TAFA2: variants seen among roughly 807,000 people sequenced by gnomAD.
TAFA2 encodes the protein TAFA chemokine like family member 2.
A neutral mutation model predicts 18.8 loss-of-function variants in TAFA2; 7 were observed. That is an observed-to-expected ratio of 0.37 (90% confidence interval 0.21 to 0.70). TAFA2 has a LOEUF of 0.70. Among genes scored for constraint, TAFA2 ranks in the 30% least tolerant of loss-of-function variants. The pLI is 0.53. For synonymous variants in TAFA2, 60 were observed against 54.2 expected (o/e 1.11, Z -0.47); for missense variants, 122 against 158.1 (o/e 0.77, Z 1.23).
chr12:61,770,015 T>C (rs1464977699), intron 2 of TAFA2, among the ~76,000 whole-genome samples: 2 of 151,286 alleles, frequency 1.3e-5, no homozygotes, highest in Non-Finnish European at 2.9e-5. Flanking sequence ...AACGAGAAAA[T>C]CTCTAAAGAA....
At chr12:62,011,386 A>C (rs1174774927) in intron 1 of TAFA2, among the ~76,000 whole-genome samples, 2 of 152,186 alleles carry the variant, frequency 1.3e-5, no homozygotes, top group East Asian at 3.9e-4. Context: ...TAGGAGACAC[A>C]ATTTTGTTCT....
chr12:61,938,748 C>A (rs1000627332), intron 1 of TAFA2, among the ~76,000 whole-genome samples: 5 of 152,058 alleles, frequency 3.3e-5, no homozygotes, highest in African/African-American at 9.7e-5. Flanking sequence ...GAAATAATGT[C>A]TTTTGCAGCA....
intron 1 of TAFA2, among the ~76,000 whole-genome samples, chr12:61,954,478 T>C (rs1257898355): frequency 1.3e-5 from 2 of 152,158 alleles, no homozygotes; most frequent in African/African-American, 2.4e-5. Flanking sequence ...ATCTCATTCA[T>C]AGTATGGATT....
At chr12:61,712,101 A>G (rs1331858747) in intron 4 of TAFA2, among the ~76,000 whole-genome samples, 1 of 151,950 alleles carries the variant, frequency 6.6e-6, no homozygotes, top group Admixed American at 6.6e-5. Flanking sequence ...AGAGAGAGAG[A>G]GGAAATTGAG....
rs148528547 is a variant in TAFA2, at chr12:62,114,157, G to A, written c.-2+77102C>T. Among the ~76,000 whole-genome samples the A allele has an allele frequency of 1.9e-3, 294 of 152,298 alleles. 1 individual carries two copies. The highest frequency in any genetic ancestry group is 6.8e-3 in the African/African-American group (283 of 41,564). ...GGGAATCTCCTGGTCTGCAAGTTGT[G>A]AAGACCATGGGAAAAGCGTAGTATC... On this transcript the variant is annotated intron_variant, in intron 1 of 4. Coordinates refer to ENST00000416284, the MANE Select transcript of TAFA2 (RefSeq NM_178539.5).
intron 2 of TAFA2, among the ~76,000 whole-genome samples, chr12:61,820,247 G>A (rs757837167): frequency 3.0e-4 from 45 of 151,570 alleles, no homozygotes; most frequent in Non-Finnish European, 6.2e-4. Context: ...TGGTGGTGTG[G>A]GGATGGAAGG....
At chr12:61,908,069 A>G (rs1033291979) in intron 1 of TAFA2, among the ~76,000 whole-genome samples, 1 of 152,070 alleles carries the variant, frequency 6.6e-6, no homozygotes, top group African/African-American at 2.4e-5. Flanking sequence ...GAGACTTTGG[A>G]CTGTGGACTT....
At chr12:61,940,632 G>C (rs551359791) in intron 1 of TAFA2, among the ~76,000 whole-genome samples, 83 of 152,296 alleles carry the variant, frequency 5.4e-4, no homozygotes, top group African/African-American at 1.9e-3. Context: ...TGCTTGTCCA[G>C]CTGTGAACCG....
intron 1 of TAFA2, among the ~76,000 whole-genome samples, chr12:62,117,130 A>G (rs1396051242): frequency 6.6e-6 from 1 of 152,164 alleles, no homozygotes; most frequent in Non-Finnish European, 1.5e-5. Flanking sequence ...CTGTTCTTTA[A>G]TATCACTCAG....
chr12:61,711,371 T>C (rs752768812), intron 4 of TAFA2, among the ~76,000 whole-genome samples: 1 of 152,062 alleles, frequency 6.6e-6, no homozygotes, highest in East Asian at 1.9e-4. Flanking sequence ...ATTTCTGCTG[T>C]GTTAATAAAT....
At chr12:61,753,524 T>C in intron 4 of TAFA2, 98 bp downstream of exon 4, 1 of 1,132,798 alleles carries the variant, frequency 8.8e-7, no homozygotes, top group Non-Finnish European at 1.3e-6. Context: ...AACTATACTC[T>C]TCCATTCCAC....
At chr12:62,159,686 C>T (rs903146870) in intron 1 of TAFA2, among the ~76,000 whole-genome samples, 8 of 151,596 alleles carry the variant, frequency 5.3e-5, no homozygotes, top group African/African-American at 1.7e-4. Flanking sequence ...AAGAATGACA[C>T]AGTGGACTTT....
chr12:62,202,645 TTTAGTG>T (rs1192778656), intron 1 of TAFA2, among the ~76,000 whole-genome samples: 1 of 151,886 alleles, frequency 6.6e-6, no homozygotes, highest in Non-Finnish European at 1.5e-5. Context: ...TGATGTGGCA[TTTAGTG>T]TTATAAATTT....
At chr12:62,210,185 CTAAATAAATAAA>C (rs56194828) in intron 1 of TAFA2, among the ~76,000 whole-genome samples, 11 of 144,432 alleles carry the variant, frequency 7.6e-5, no homozygotes, top group East Asian at 4.1e-4. Context: ...GACTCTGTCT[CTAAATAAATAAA>C]TAAATAAATA....
At chr12:62,189,004 C>T (rs1469064219) in intron 1 of TAFA2, among the ~76,000 whole-genome samples, 11 of 152,252 alleles carry the variant, frequency 7.2e-5, no homozygotes. Flanking sequence ...TGCAATATCA[C>T]ATATACTTAG....
intron 4 of TAFA2, among the ~76,000 whole-genome samples, chr12:61,748,478 C>T (rs1007049478): frequency 1.3e-5 from 2 of 152,080 alleles, no homozygotes; most frequent in Non-Finnish European, 2.9e-5. Context: ...CTAGAGAGAG[C>T]ATGATGATTG....
At chr12:61,738,586 T>C (rs1327399235) in intron 4 of TAFA2, among the ~76,000 whole-genome samples, 2 of 152,072 alleles carry the variant, frequency 1.3e-5, no homozygotes, top group African/African-American at 4.8e-5. Context: ...AGAAAAAACA[T>C]TTCTGCTCTT....
chr12:62,202,730 C>G (rs968104333), intron 1 of TAFA2, among the ~76,000 whole-genome samples: 1 of 149,672 alleles, frequency 6.7e-6, no homozygotes, highest in African/African-American at 2.5e-5. Context: ...TGATTGGTTT[C>G]TAAGAACTTC....
intron 1 of TAFA2, among the ~76,000 whole-genome samples, chr12:62,248,950 G>A (rs1359139893): frequency 1.3e-5 from 2 of 152,052 alleles, no homozygotes; most frequent in African/African-American, 4.8e-5. Flanking sequence ...TGAGAAAATG[G>A]CTCAGAGCAG....
Sources: allele counts gnomAD v4.1 joint callset (sites outside exome capture counted in the v4.1 genomes callset), GRCh38; gene constraint gnomAD v4.1.1; transcripts MANE v1.5; gene names NCBI Gene and HGNC (gene_info 2026-07-23, HGNC 2026-07-21).